The following TRPC3 variants were observed in gnomAD, a reference collection of about 807,000 sequenced individuals.
TRPC3 encodes the protein transient receptor potential cation channel subfamily C member 3, also known as short transient receptor potential channel 3.
In TRPC3, 54 loss-of-function variants were observed where a neutral mutation model predicts 90.9. The observed-to-expected ratio is 0.59, with a 90% CI of 0.48 to 0.75. TRPC3 has a LOEUF of 0.75. TRPC3 is among the 30% of genes least tolerant of loss of function. The pLI is 0.00. For missense variants in TRPC3, 918 were observed against 1,194.5 expected (o/e 0.77, Z 3.41); for synonymous variants, 424 against 450.9 (o/e 0.94, Z 0.75).
chr4:121,923,084 A>G (rs138488313), intron 3 of TRPC3, among the ~76,000 whole-genome samples: 33 of 147,214 alleles, frequency 2.2e-4, no homozygotes, highest in Non-Finnish European at 4.4e-4. Flanking sequence ...GGAGAGAGAA[A>G]GAGGAGAAAG....
Position 121,932,188 on chromosome 4 carries a change from G to A in TRPC3, c.987+83C>T, listed in dbSNP as rs1211966087. ...TTCACTGGGCAAAACCGAATGTGGA[G>A]CGAACGGTGGCAGAGCAGGCCAGGC... On this transcript the variant is annotated intron_variant, in intron 2 of 11. Transcript: ENST00000379645. The surrounding 1 kb of genome is among the most constrained non-coding windows in gnomAD (Gnocchi z 7.7). 3.2e-6 allele frequency: 5 copies of A among 1,550,450 alleles called. No individual in the cohort carries two copies. The highest frequency in any genetic ancestry group is 3.5e-6 in the Non-Finnish European group (4 of 1,147,354).
At chr4:121,912,686 A>G (rs1292570868) in intron 4 of TRPC3, among the ~76,000 whole-genome samples, 1 of 152,242 alleles carries the variant, frequency 6.6e-6, no homozygotes, top group Non-Finnish European at 1.5e-5. Flanking sequence ...CCTAATAAGG[A>G]GATACACAAT....
At chr4:121,920,561 T>C (rs1283862313) in intron 3 of TRPC3, among the ~76,000 whole-genome samples, 3 of 152,096 alleles carry the variant, frequency 2.0e-5, no homozygotes, top group Non-Finnish European at 2.9e-5. Context: ...GGATGAATAA[T>C]CTTCAAAATC....
At chr4:121,913,786 AAACTTTCTGCCTT>A (rs1221225218) in intron 4 of TRPC3, among the ~76,000 whole-genome samples, 1 of 152,262 alleles carries the variant, frequency 6.6e-6, no homozygotes, top group Admixed American at 6.5e-5. Flanking sequence ...TCAAAATGAC[AAACTTTCTGCCTT>A]AATTTGCATG....
At position 121,879,043 on chromosome 4, in the gene TRPC3, C is replaced by A. The variant is rs199953150; in HGVS notation, c.*693G>T. 3.3e-5 allele frequency: 5 copies of A among 152,212 alleles called. No individual in the cohort carries two copies. The highest frequency in any genetic ancestry group is 5.9e-5 in the Non-Finnish European group (4 of 68,008). 9.4% of individuals were successfully genotyped at this position (152,212 alleles called of 1,614,324 possible). ...CAAGCAGTCTATATTTTAGAAAAAT[C>A]TTTAATGTGTTGTTTTAAATAATTC... On this transcript the variant is annotated 3_prime_UTR_variant, in exon 12 of 12. Coordinates refer to ENST00000379645, the MANE Select transcript of TRPC3 (RefSeq NM_001130698.2).
chr4:121,925,291 C>G, intron 2 of TRPC3, 85 bp from the exon 3 acceptor site: 1 of 1,403,266 alleles, frequency 7.1e-7, no homozygotes, highest in Non-Finnish European at 9.5e-7. Flanking sequence ...AAAAAGGTAT[C>G]CCTTCTTTTG....
chr4:121,877,094 C>T lies in TRPC3; in HGVS notation c.*2642G>A, dbSNP rs1164180983. 6.6e-6 allele frequency among the ~76,000 whole-genome samples: 1 copy of T among 152,152 alleles called. No homozygotes were observed. Among genetic ancestry groups the T allele is most frequent in the East Asian group, 1.9e-4 (1 of 5,196 alleles). ...CTGTTAAAAGTGACTAGGGAAAAGA[C>T]TTGCTGACCCAGAGCTATCTTTATC... is the stretch of plus-strand genomic sequence containing the variant. On this transcript the variant is annotated 3_prime_UTR_variant, in exon 12 of 12. Transcript: ENST00000379645.
intron 2 of TRPC3, among the ~76,000 whole-genome samples, chr4:121,930,413 T>C (rs1434894009): frequency 1.3e-5 from 2 of 152,136 alleles, no homozygotes; most frequent in Non-Finnish European, 2.9e-5. Context: ...TCCCCACCCC[T>C]GAAAGGTTAT....
chr4:121,902,876 C>T lies in TRPC3; in HGVS notation c.2439G>A (p.Met813Ile). 1 of 1,611,070 alleles carries T rather than the reference C, an allele frequency of 6.2e-7. No individual in the cohort carries two copies. The highest frequency in any genetic ancestry group is 8.5e-7 in the Non-Finnish European group (1 of 1,178,854). Reference sequence around the variant, plus strand: ...CCCTGGACTTTGAGTTACCCATTCCCATTTCTATATCCTTCTGAAGCCTTC... The same window carrying T: ...CCCTGGACTTTGAGTTACCCATTCCTATTTCTATATCCTTCTGAAGCCTTC... ...RRRRLQKDIE[M>I]GMGNSKSRLN... The change falls in exon 9 of 12, where the codon ATG becomes ATA. Residue 813 changes from methionine to isoleucine, a missense_variant. By Grantham distance (10) the Met-to-Ile change is conservative. Transcript: ENST00000379645.
chr4:121,948,874 G>T (rs796767806), intron 1 of TRPC3, among the ~76,000 whole-genome samples: 8 of 143,874 alleles, frequency 5.6e-5, no homozygotes, highest in African/African-American at 1.4e-4. Context: ...TGTTGTTGTT[G>T]TTTTTTTTTA....
At chr4:121,901,415 G>A (rs1728693948) in intron 9 of TRPC3, among the ~76,000 whole-genome samples, 1 of 152,212 alleles carries the variant, frequency 6.6e-6, no homozygotes. Flanking sequence ...GTGCCGCAGA[G>A]AGAGCTAGGC....
At chr4:121,919,607 G>A (rs1729433296) in intron 3 of TRPC3, among the ~76,000 whole-genome samples, 1 of 152,192 alleles carries the variant, frequency 6.6e-6, no homozygotes, top group South Asian at 2.1e-4. Flanking sequence ...TCTCAGTGGT[G>A]TATTTACCAC....
At chr4:121,945,702 C>A (rs1026351539) in intron 1 of TRPC3, among the ~76,000 whole-genome samples, 1 of 152,202 alleles carries the variant, frequency 6.6e-6, no homozygotes, top group Admixed American at 6.5e-5. Flanking sequence ...AGTGACAACC[C>A]TCCTGCACCC....
At chr4:121,919,194 G>A (rs1449362227) in intron 3 of TRPC3, among the ~76,000 whole-genome samples, 1 of 152,014 alleles carries the variant, frequency 6.6e-6, no homozygotes, top group Non-Finnish European at 1.5e-5. Context: ...CACTGATCAG[G>A]GCAGGCTAGG....
intron 1 of TRPC3, among the ~76,000 whole-genome samples, chr4:121,947,432 G>A (rs1282844926): frequency 2.0e-5 from 3 of 152,132 alleles, no homozygotes; most frequent in African/African-American, 4.8e-5. Context: ...CAACACACAC[G>A]CTAAGCCAAG....
rs1578587400 is a variant in TRPC3 at position 121,877,478 on chromosome 4, T to G, written c.*2258A>C. Among the ~76,000 whole-genome samples the G allele has an allele frequency of 6.6e-6, 1 of 152,108 alleles. No homozygotes were observed. The highest frequency in any genetic ancestry group is 1.5e-5 in the Non-Finnish European group (1 of 68,004). ...CACTGGCCATGGGGAGGCGGAGGCA[T>G]CACATCCCGAGCAAGGCTTCTTCTT... On this transcript the variant is annotated 3_prime_UTR_variant, in exon 12 of 12. Coordinates refer to ENST00000379645, the MANE Select transcript of TRPC3 (RefSeq NM_001130698.2).
At position 121,882,736 on chromosome 4, in the gene TRPC3, A is replaced by C. The variant is rs558488721; in HGVS notation, c.2548-307T>G. On this transcript the variant is annotated intron_variant, in intron 10 of 11. Transcript: ENST00000379645. ...TCAACTAATAGTTTCTTTTTAAATT[A>C]CATTGACACCACATTATCACCCATA... Among the ~76,000 whole-genome samples, 6 of 152,218 alleles carry C rather than the reference A, an allele frequency of 3.9e-5. 1 individual carries two copies. The South Asian group carries it at 1.2e-3, about 32-fold the overall frequency.
intron 10 of TRPC3, among the ~76,000 whole-genome samples, chr4:121,887,805 G>A (rs182319644): frequency 5.3e-5 from 8 of 151,818 alleles, no homozygotes; most frequent in Admixed American, 2.0e-4. Context: ...CACAAATATC[G>A]TTATAATAAA....
rs1196710761 is a variant in TRPC3 at position 121,877,820 on chromosome 4, T to G, written c.*1916A>C. ...AAAAGTCAGCTTTTTATCCACATGG[T>G]GTGGATACCATGAGGCTTATCTTCA... On this transcript the variant is annotated 3_prime_UTR_variant, in exon 12 of 12. Coordinates refer to ENST00000379645, the MANE Select transcript of TRPC3 (RefSeq NM_001130698.2). Among the ~76,000 whole-genome samples, 1 of 149,058 alleles carries G rather than the reference T, an allele frequency of 6.7e-6. No homozygotes were observed. Among genetic ancestry groups the G allele is most frequent in the African/African-American group, 2.5e-5 (1 of 40,438 alleles).
Sources: gnomAD v4.1 joint callset for allele counts (sites outside exome capture counted in the v4.1 genomes callset) on GRCh38, gnomAD v4.1.1 for gene constraint, Gnocchi (gnomAD v3.1) non-coding constraint, MANE v1.5 for transcripts, NCBI Gene and HGNC (gene_info 2026-07-23, HGNC 2026-07-21) for gene names.